NRXN3: variants seen among roughly 807,000 people sequenced by gnomAD.
NRXN3 encodes neurexin 3.
A neutral mutation model predicts 137.6 loss-of-function variants in NRXN3; 32 were observed. The observed-to-expected ratio is 0.23, with a 90% CI of 0.18 to 0.31. The LOEUF (loss-of-function observed/expected upper bound fraction) is 0.31. Ranked by LOEUF, NRXN3 falls within the 10% of genes least tolerant of loss-of-function variation. The pLI, the probability that NRXN3 is intolerant of heterozygous loss-of-function variation, is 1.00. For missense variants in NRXN3, 1,574 were observed against 2,062.5 expected, an observed-to-expected ratio of 0.76 and a Z score of 4.59; for synonymous variants, 798 against 784.5, an observed-to-expected ratio of 1.02 and a Z score of -0.29.
chr14:79,805,681 T>C (rs755646882), intron 20 of NRXN3, among the ~76,000 whole-genome samples: 1 of 152,166 alleles, frequency 6.6e-6, no homozygotes, highest in Non-Finnish European at 1.5e-5. Context: ...ACCAAAAATA[T>C]ATGTATATAT....
chr14:79,030,907 G>T (rs1293886805), intron 15 of NRXN3, among the ~76,000 whole-genome samples: 1 of 151,628 alleles, frequency 6.6e-6, no homozygotes, highest in Non-Finnish European at 1.5e-5. Context: ...TTGTCTTTTG[G>T]ACTGCCTCTC....
chr14:79,628,302 T>C (rs549223385), intron 16 of NRXN3, among the ~76,000 whole-genome samples: 1 of 152,318 alleles, frequency 6.6e-6, no homozygotes, highest in South Asian at 2.1e-4. Flanking sequence ...ATTCTAACCC[T>C]GAGGATTTTT....
intron 15 of NRXN3, among the ~76,000 whole-genome samples, chr14:79,337,084 A>G (rs2092315728): frequency 6.6e-6 from 1 of 152,170 alleles, no homozygotes; most frequent in Non-Finnish European, 1.5e-5. Context: ...GTATATTTCT[A>G]TTCCCTAGAT....
At chr14:79,175,125 C>T (rs1025162794) in intron 15 of NRXN3, among the ~76,000 whole-genome samples, 3 of 151,874 alleles carry the variant, frequency 2.0e-5, no homozygotes, top group South Asian at 2.1e-4. Context: ...GGACTACAGG[C>T]GCCCACCACC....
At chr14:79,651,834 C>T (rs2098477559) in intron 16 of NRXN3, among the ~76,000 whole-genome samples, 2 of 152,166 alleles carry the variant, frequency 1.3e-5, no homozygotes, top group Admixed American at 1.3e-4. Context: ...TGGGTCATTC[C>T]TAGATCAGTG....
At chr14:78,350,944 A>T (rs1233338660) in intron 4 of NRXN3, among the ~76,000 whole-genome samples, 3 of 150,222 alleles carry the variant, frequency 2.0e-5, no homozygotes, top group African/African-American at 4.9e-5. Context: ...ATTGTATCTT[A>T]TGTACTTCAG....
chr14:79,808,191 C>T (rs2099216432), intron 20 of NRXN3, among the ~76,000 whole-genome samples: 1 of 148,880 alleles, frequency 6.7e-6, no homozygotes, highest in African/African-American at 2.5e-5. Context: ...GAGCCAAGAT[C>T]ATGCCACTGC....
intron 15 of NRXN3, among the ~76,000 whole-genome samples, chr14:79,461,336 A>G (rs545433763): frequency 6.6e-6 from 1 of 152,314 alleles, no homozygotes; most frequent in East Asian, 1.9e-4. Context: ...TAACCAAAAT[A>G]TTTGCCATTA....
At chr14:79,816,472 G>A (rs905182583) in intron 20 of NRXN3, among the ~76,000 whole-genome samples, 1 of 152,286 alleles carries the variant, frequency 6.6e-6, no homozygotes, top group Non-Finnish European at 1.5e-5. Context: ...TGATTACTCT[G>A]TTTGTAAATG....
intron 4 of NRXN3, among the ~76,000 whole-genome samples, chr14:78,374,360 G>T (rs956761157): frequency 6.6e-6 from 1 of 152,286 alleles, no homozygotes; most frequent in South Asian, 2.1e-4. Flanking sequence ...ATAAGTAAGG[G>T]TTAGAGAGAG....
intron 15 of NRXN3, among the ~76,000 whole-genome samples, chr14:79,359,237 G>A (rs2093599032): frequency 6.6e-6 from 1 of 152,162 alleles, no homozygotes; most frequent in Non-Finnish European, 1.5e-5. Flanking sequence ...AAGAAATAAA[G>A]TCTTTTCCCA....
chr14:78,702,005 C>T (rs2152804789), intron 6 of NRXN3, among the ~76,000 whole-genome samples: 1 of 152,302 alleles, frequency 6.6e-6, no homozygotes, highest in Non-Finnish European at 1.5e-5. Flanking sequence ...AGTTAGTTTA[C>T]TGACCCCTGT....
At position 78,524,609 on chromosome 14, in the gene NRXN3, A is replaced by T. The variant is rs1490724690; in HGVS notation, c.758-120511A>T. ...CCAGGCGATTTTTCTGCCAGTCTAT[A>T]GAATGGCCTTTGGGGATCTCTTTAT... On this transcript the variant is annotated intron_variant, in intron 4 of 20. Coordinates refer to ENST00000335750, the MANE Select transcript of NRXN3 (RefSeq NM_001330195.2). Among the ~76,000 whole-genome samples the T allele has an allele frequency of 3.9e-5, 6 of 152,194 alleles. 1 individual carries two copies. The highest frequency in any genetic ancestry group is 1.5e-5 in the Non-Finnish European group (1 of 68,044).
chr14:79,560,504 CTTTTTT>C (rs34025659), intron 16 of NRXN3, among the ~76,000 whole-genome samples: 3 of 43,768 alleles, frequency 6.9e-5, no homozygotes, highest in Admixed American at 4.2e-4. Flanking sequence ...AGATTGTAAG[CTTTTTT>C]TTTTTTTTTT....
At chr14:78,838,472 T>C (rs571515642) in intron 10 of NRXN3, among the ~76,000 whole-genome samples, 47 of 152,346 alleles carry the variant, frequency 3.1e-4, no homozygotes, top group Middle Eastern at 3.4e-3. Flanking sequence ...TGGAGCACTG[T>C]GTCTTCCAGG....
intron 15 of NRXN3, among the ~76,000 whole-genome samples, chr14:79,212,339 C>G (rs540870804): frequency 2.6e-5 from 4 of 152,244 alleles, no homozygotes; most frequent in African/African-American, 9.6e-5. Context: ...TGATTTATTC[C>G]TCTGTACATA....
chr14:78,390,867 C>A (rs918824087), intron 4 of NRXN3, among the ~76,000 whole-genome samples: 3 of 152,100 alleles, frequency 2.0e-5, no homozygotes, highest in Non-Finnish European at 4.4e-5. Context: ...TGGTTTGCTG[C>A]ACCTATCAAC....
chr14:79,125,497 G>A (rs1326967550), intron 15 of NRXN3, among the ~76,000 whole-genome samples: 3 of 152,176 alleles, frequency 2.0e-5, no homozygotes, highest in African/African-American at 4.8e-5. Flanking sequence ...TTTGCAGGAA[G>A]CATTCTCCTC....
intron 8 of NRXN3, among the ~76,000 whole-genome samples, chr14:78,734,105 TTC>T (rs2098529680): frequency 6.6e-6 from 1 of 152,096 alleles, no homozygotes. Context: ...AGTAAGACTT[TTC>T]TCTACTGAGG....
Sources: allele counts gnomAD v4.1 joint callset (sites outside exome capture counted in the v4.1 genomes callset), GRCh38; gene constraint gnomAD v4.1.1; transcripts MANE v1.5; gene names NCBI Gene and HGNC (gene_info 2026-07-23, HGNC 2026-07-21).